TRDN: variants seen among roughly 807,000 people sequenced by gnomAD.
TRDN encodes triadin.
TRDN carries 161 observed loss-of-function variants against 149.7 expected under a neutral mutation model. The observed-to-expected ratio is 1.08, with a 90% confidence interval of 0.95 to 1.23. The LOEUF is 1.23. Ranked by LOEUF, TRDN falls within the 50% of genes most tolerant of loss-of-function variation. TRDN has a pLI of 0.00. For synonymous variants in TRDN, 294 were observed against 250.5 expected, an observed-to-expected ratio of 1.17 and a Z score of -1.64; for missense variants, 896 against 823.5, an observed-to-expected ratio of 1.09 and a Z score of -1.08.
At chr6:123,361,384 C>T (rs904218917) in intron 20 of TRDN, among the ~76,000 whole-genome samples, 1 of 151,426 alleles carries the variant, frequency 6.6e-6, no homozygotes, top group South Asian at 2.1e-4. Flanking sequence ...GGGTGGGGGG[C>T]AAAGGGAGGG....
At chr6:123,259,503 TA>T in intron 35 of TRDN, 120 bp downstream of exon 35, 1 of 668,434 alleles carries the variant, frequency 1.5e-6, no homozygotes, top group Non-Finnish European at 2.6e-6. Flanking sequence ...ATATGTGCTA[TA>T]AAATCAGTGT....
chr6:123,547,392 AAAAC>A lies in TRDN; in HGVS notation c.392-24_392-21del. 1.4e-6 allele frequency: 2 copies of A among 1,390,666 alleles called. No homozygotes were observed. The highest frequency in any genetic ancestry group is 1.6e-5 in the South Asian group (1 of 62,452). The allele number at this position is 1,390,666 out of a possible 1,614,324, so 86.1% of individuals were successfully genotyped here. ...TTTCTCCTAGACCAAGATTAAAAGA[AAAAC>A]AAAGTTAGAAAATATTTTAGCATAG... On this transcript the variant is annotated intron_variant, in intron 3 of 40. Transcript: ENST00000334268.
At chr6:123,442,144 A>C (rs1384404883) in intron 10 of TRDN, 1 of 152,318 alleles carries the variant, frequency 6.6e-6, no homozygotes. Context: ...GAGAGAAAGC[A>C]CAGGTGCTGG....
At chr6:123,332,160 T>C (rs1024749762) in intron 22 of TRDN, among the ~76,000 whole-genome samples, 8 of 152,078 alleles carry the variant, frequency 5.3e-5, no homozygotes, top group African/African-American at 1.9e-4. Context: ...GTTCAACAAG[T>C]TATAATCTAC....
chr6:123,226,462 C>T (rs971352326), intron 38 of TRDN, among the ~76,000 whole-genome samples: 2 of 151,814 alleles, frequency 1.3e-5, no homozygotes, highest in East Asian at 2.0e-4. Flanking sequence ...CCATTTATTA[C>T]CACTAGAAAA....
intron 9 of TRDN, among the ~76,000 whole-genome samples, chr6:123,484,187 G>C (rs1045950552): frequency 2.6e-5 from 4 of 151,988 alleles, no homozygotes; most frequent in Non-Finnish European, 4.4e-5. Flanking sequence ...TTATCAAATA[G>C]CTCTCTCTGA....
chr6:123,550,898 T>C (rs1781349404), intron 2 of TRDN, among the ~76,000 whole-genome samples: 1 of 152,088 alleles, frequency 6.6e-6, no homozygotes, highest in East Asian at 1.9e-4. Flanking sequence ...GCCGTTTGAA[T>C]GGTGAGATTA....
At chr6:123,481,788 A>C (rs1377679830) in intron 9 of TRDN, among the ~76,000 whole-genome samples, 2 of 152,172 alleles carry the variant, frequency 1.3e-5, no homozygotes, top group East Asian at 3.9e-4. Context: ...GAACTACCTG[A>C]GTTTTCCTCC....
At chr6:123,383,668 CAAAATA>C (rs1781802679) in intron 14 of TRDN, among the ~76,000 whole-genome samples, 1 of 151,698 alleles carries the variant, frequency 6.6e-6, no homozygotes, top group South Asian at 2.1e-4. Flanking sequence ...TTAAATAATG[CAAAATA>C]AAAATAAAAA....
At chr6:123,523,970 C>T (rs1417217403) in intron 5 of TRDN, among the ~76,000 whole-genome samples, 1 of 152,058 alleles carries the variant, frequency 6.6e-6, no homozygotes, top group African/African-American at 2.4e-5. Context: ...GCCATGAGTT[C>T]AACAGACAGT....
rs1264623404 is a variant in TRDN at position 123,452,031 on chromosome 6, G to C, written c.931+12875C>G. Reference sequence around the variant, plus strand: ...ATCTCAATTGATGCAGAAAAAGCATGAGACAAAATCCAGCATCACTTTGTG... The same window carrying C: ...ATCTCAATTGATGCAGAAAAAGCATCAGACAAAATCCAGCATCACTTTGTG... On this transcript the variant is annotated intron_variant, in intron 10 of 40. Transcript: ENST00000334268. Among the ~76,000 whole-genome samples the C allele has an allele frequency of 2.6e-5, 4 of 152,098 alleles. No homozygotes were observed. The East Asian group carries it at 7.7e-4, about 29-fold the overall frequency.
At chr6:123,533,798 G>T (rs564457946) in intron 4 of TRDN, among the ~76,000 whole-genome samples, 1 of 152,154 alleles carries the variant, frequency 6.6e-6, no homozygotes, top group South Asian at 2.1e-4. Context: ...ATGAAAGGGA[G>T]GTAACTCTAA....
At chr6:123,363,020 A>G (rs1037180387) in intron 20 of TRDN, among the ~76,000 whole-genome samples, 1 of 152,140 alleles carries the variant, frequency 6.6e-6, no homozygotes, top group Admixed American at 6.5e-5. Context: ...AGATAAGACA[A>G]TTTATGCTGC....
chr6:123,412,414 A>G (rs950633587), intron 12 of TRDN, among the ~76,000 whole-genome samples: 4 of 152,254 alleles, frequency 2.6e-5, no homozygotes, highest in Admixed American at 6.5e-5. Flanking sequence ...ATATTTCAAC[A>G]GCTAAAGAGC....
intron 12 of TRDN, among the ~76,000 whole-genome samples, chr6:123,406,039 A>G (rs1582978599): frequency 6.6e-6 from 1 of 152,208 alleles, no homozygotes; most frequent in South Asian, 2.1e-4. Context: ...TTTCTAAAAA[A>G]CTGCATTGAT....
rs760848605 is a variant in TRDN, at chr6:123,544,601, A to C, written c.424+2739T>G. Reference sequence around the variant, plus strand: ...CAAAGTATACCACTATACACAACAAATAATTTTTTCCGAAAATGTGATTTA... The same window carrying C: ...CAAAGTATACCACTATACACAACAACTAATTTTTTCCGAAAATGTGATTTA... On this transcript the variant is annotated intron_variant, in intron 4 of 40. Transcript: ENST00000334268. Among the ~76,000 whole-genome samples the C allele has an allele frequency of 2.1e-4, 32 of 152,042 alleles. 1 individual carries two copies. The highest frequency in any genetic ancestry group is 3.7e-4 in the Non-Finnish European group (25 of 67,948).
intron 24 of TRDN, among the ~76,000 whole-genome samples, chr6:123,283,565 G>A (rs1344524976): frequency 2.0e-5 from 3 of 151,050 alleles, no homozygotes; most frequent in Non-Finnish European, 4.4e-5. Flanking sequence ...GATTAACCAA[G>A]GAAACAAGAG....
chr6:123,430,128 G>A lies in TRDN; in HGVS notation c.1051+7935C>T, dbSNP rs79413778. On this transcript the variant is annotated intron_variant, in intron 12 of 40. Coordinates refer to ENST00000334268, the MANE Select transcript of TRDN (RefSeq NM_006073.4). ...CTACAAAAATAAACAAAATTAGCCAGGCATGGTGGCACGTGCCCATGGTCC... is the reference window on the plus strand; with the variant it reads ...CTACAAAAATAAACAAAATTAGCCAAGCATGGTGGCACGTGCCCATGGTCC... Among the ~76,000 whole-genome samples the A allele has an allele frequency of 3.1e-3, 469 of 151,498 alleles. 13 individuals are homozygous for A. The East Asian group carries it at 0.077, about 25-fold the overall frequency.
intron 34 of TRDN, 22 bp downstream of exon 34, chr6:123,260,590 C>A: frequency 1.4e-6 from 2 of 1,458,826 alleles, no homozygotes; most frequent in South Asian, 1.4e-5. Flanking sequence ...ATCTTATCTC[C>A]TCTGAAAAAG....
Sources: allele counts gnomAD v4.1 joint callset (sites outside exome capture counted in the v4.1 genomes callset), GRCh38; gene constraint gnomAD v4.1.1; transcripts MANE v1.5; gene names NCBI Gene and HGNC (gene_info 2026-07-23, HGNC 2026-07-21).